The following HGD variants were observed in gnomAD, a reference collection of about 807,000 sequenced individuals.
The protein encoded by HGD is homogentisate 1,2-dioxygenase.
In HGD, 61 loss-of-function variants were observed where a neutral mutation model predicts 60.8. The observed-to-expected ratio is 1.00, with a 90% CI of 0.82 to 1.24. The LOEUF (loss-of-function observed/expected upper bound fraction) is 1.24. Ranked by LOEUF, HGD falls within the 50% of genes most tolerant of loss-of-function variation. The probability of loss-of-function intolerance (pLI) is 0.00; values close to 1 mark genes in which losing one functional copy is unlikely to be tolerated. For missense variants in HGD, 542 were observed against 547.1 expected (o/e 0.99, Z 0.09); for synonymous variants, 212 against 187.7 (o/e 1.13, Z -1.06).
chr3:120,646,146 G>A (rs1362445240), intron 9 of HGD, 121 bp downstream of exon 9: 4 of 742,326 alleles, frequency 5.4e-6, no homozygotes, highest in South Asian at 2.9e-5. Flanking sequence ...AGAAGAATTT[G>A]TCTAGAGAGA....
At chr3:120,639,767 A>G (rs950918930) in intron 11 of HGD, among the ~76,000 whole-genome samples, 2 of 152,124 alleles carry the variant, frequency 1.3e-5, no homozygotes, top group Admixed American at 6.5e-5. Context: ...TTGCTTTCCT[A>G]CCTTTGTTTG....
chr3:120,659,173 C>G (rs1459212583), intron 4 of HGD, among the ~76,000 whole-genome samples: 3 of 152,210 alleles, frequency 2.0e-5, no homozygotes, highest in African/African-American at 4.8e-5. Context: ...TACCACATGG[C>G]CAGGCTGCAA....
intron 13 of HGD, 116 bp from the exon 14 acceptor site, chr3:120,628,645 A>T: frequency 8.1e-7 from 1 of 1,232,378 alleles, no homozygotes; most frequent in Non-Finnish European, 1.2e-6. Flanking sequence ...CAAATCAAAG[A>T]TTTGTGTGCT....
rs7613732 is a variant in HGD, at chr3:120,631,658, A to G, written c.1188+1489T>C. Among the ~76,000 whole-genome samples, 933 of 152,322 alleles carry G rather than the reference A, an allele frequency of 6.1e-3. 11 individuals are homozygous for G. Among genetic ancestry groups the G allele is most frequent in the African/African-American group, 0.021 (874 of 41,566 alleles). Reference sequence around the variant, plus strand: ...CATCCCAGCTGACTTTGAAGATGCTATTGTACCAAGTTAATCACTCCAAAC... The same window carrying G: ...CATCCCAGCTGACTTTGAAGATGCTGTTGTACCAAGTTAATCACTCCAAAC... On this transcript the variant is annotated intron_variant, in intron 13 of 13. Transcript: ENST00000283871.
intron 4 of HGD, among the ~76,000 whole-genome samples, chr3:120,655,580 T>G (rs1000346435): frequency 6.6e-5 from 10 of 152,162 alleles, no homozygotes; most frequent in African/African-American, 2.4e-4. Context: ...AGCAGAGATT[T>G]TGGTCAGGAG....
intron 3 of HGD, among the ~76,000 whole-genome samples, chr3:120,673,600 C>T (rs558527206): frequency 2.0e-5 from 3 of 152,186 alleles, no homozygotes; most frequent in Non-Finnish European, 4.4e-5. Context: ...CCTCTTCCCA[C>T]GCATATATCT....
In HGD at chr3:120,647,876, C is replaced by T; in HGVS notation, c.469+1G>A. The T allele has an allele frequency of 1.2e-6, 2 of 1,611,126 alleles. No homozygotes were observed. Among genetic ancestry groups the T allele is most frequent in the Non-Finnish European group, 1.7e-6 (2 of 1,177,222 alleles). On this transcript the variant is annotated splice_donor_variant, in intron 7 of 13. Transcript: ENST00000283871. LOFTEE classifies it high-confidence loss of function. ...GGGGGTCTGAAGTCTTCAGAACTCA[C>T]CAATCAAGAAGTCCCCATCTGAATT...
intron 12 of HGD, chr3:120,633,650 A>T: frequency 8.1e-7 from 1 of 1,231,160 alleles, no homozygotes; most frequent in Admixed American, 2.3e-5. Context: ...CATAATAGAG[A>T]GCGAATGTAC....
At chr3:120,644,926 T>G (rs10511396) in intron 9 of HGD, among the ~76,000 whole-genome samples, 18,407 of 152,196 alleles carry the variant, frequency 0.12, 1,268 homozygotes, top group Middle Eastern at 0.17. Context: ...CTGAAAACGG[T>G]TCTCCAGCCT....
chr3:120,679,505 T>C (rs1380846305), intron 1 of HGD, among the ~76,000 whole-genome samples: 2 of 152,212 alleles, frequency 1.3e-5, no homozygotes, highest in Non-Finnish European at 2.9e-5. Flanking sequence ...GCTTAACCCC[T>C]GAAACCTGTG....
chr3:120,669,742 T>C (rs1044686609), intron 4 of HGD, among the ~76,000 whole-genome samples: 1 of 152,224 alleles, frequency 6.6e-6, no homozygotes, highest in Non-Finnish European at 1.5e-5. Context: ...CGTCTTCTAC[T>C]AGTGTCTGCA....
intron 4 of HGD, among the ~76,000 whole-genome samples, chr3:120,667,981 G>A (rs952384521): frequency 5.9e-5 from 9 of 152,134 alleles, no homozygotes; most frequent in Non-Finnish European, 1.0e-4. Flanking sequence ...CCCTGTGCAA[G>A]GGCCTTGTCC....
At chr3:120,642,737 T>C (rs1941028233) in intron 10 of HGD, among the ~76,000 whole-genome samples, 1 of 152,210 alleles carries the variant, frequency 6.6e-6, no homozygotes, top group Non-Finnish European at 1.5e-5. Context: ...GGGATGCAGC[T>C]ACTGTCAGAA....
At chr3:120,664,244 G>A (rs1707846133) in intron 4 of HGD, among the ~76,000 whole-genome samples, 1 of 152,032 alleles carries the variant, frequency 6.6e-6, no homozygotes, top group Admixed American at 6.6e-5. Context: ...TGAGAGGTGA[G>A]GTGAGAGAAG....
At chr3:120,669,901 C>T (rs1263611713) in intron 4 of HGD, among the ~76,000 whole-genome samples, 5 of 152,098 alleles carry the variant, frequency 3.3e-5, no homozygotes, top group Admixed American at 2.6e-4. Context: ...CCAAAATTCC[C>T]ACCTCATATC....
chr3:120,679,020 C>T (rs567827886), intron 1 of HGD, among the ~76,000 whole-genome samples: 19 of 152,272 alleles, frequency 1.2e-4, no homozygotes, highest in Admixed American at 9.8e-4. Flanking sequence ...TTCTACAGTT[C>T]GGATTTCTGA....
rs554111712 is a variant in HGD at position 120,636,185 on chromosome 3, G to A, written c.1006+2270C>T. Among the ~76,000 whole-genome samples the A allele has an allele frequency of 6.9e-4, 104 of 151,606 alleles. 1 individual carries two copies. Among genetic ancestry groups the A allele is most frequent in the African/African-American group, 2.3e-3 (94 of 41,320 alleles). ...GTCCAAGCTACTCAGGAGACTGAGC[G>A]GGGAGGATCACTTGAGCCTGGGGGG... On this transcript the variant is annotated intron_variant, in intron 12 of 13. Transcript: ENST00000283871.
At chr3:120,633,490 A>G (rs1352437497) in intron 12 of HGD, 162 bp from the exon 13 acceptor site, 1 of 1,530,208 alleles carries the variant, frequency 6.5e-7, no homozygotes, top group African/African-American at 1.4e-5. Flanking sequence ...ACAATCATAA[A>G]ACATTCATAT....
intron 4 of HGD, among the ~76,000 whole-genome samples, chr3:120,659,942 G>C (rs112595583): frequency 6.8e-6 from 1 of 146,628 alleles, no homozygotes; most frequent in African/African-American, 2.6e-5. Flanking sequence ...GCAAGAGAGA[G>C]TGGGGGGTGG....
Sources: allele counts gnomAD v4.1 joint callset (sites outside exome capture counted in the v4.1 genomes callset), GRCh38; gene constraint gnomAD v4.1.1; transcripts MANE v1.5; gene names NCBI Gene and HGNC (gene_info 2026-07-23, HGNC 2026-07-21).